The following KIZ variants were observed in gnomAD, a reference collection of about 807,000 sequenced individuals.
The protein encoded by KIZ is kizuna centrosomal protein.
KIZ carries 68 observed loss-of-function variants against 79.6 expected under a neutral mutation model. The observed-to-expected ratio is 0.85, with a 90% CI of 0.70 to 1.05. KIZ has a LOEUF of 1.05. Ranked by LOEUF, KIZ falls within the 50% of genes least tolerant of loss-of-function variation. The pLI, the probability that KIZ is intolerant of heterozygous loss-of-function variation, is 0.00. For synonymous variants in KIZ, 280 were observed against 281.8 expected (o/e 0.99, Z 0.06); for missense variants, 797 against 800.4 (o/e 1.00, Z 0.05).
At chr20:21,154,598 G>A (rs1415665366) in intron 4 of KIZ, among the ~76,000 whole-genome samples, 1 of 152,194 alleles carries the variant, frequency 6.6e-6, no homozygotes, top group East Asian at 1.9e-4. Flanking sequence ...GTAATAGGAA[G>A]GTGTGGAAAA....
intron 3 of KIZ, among the ~76,000 whole-genome samples, chr20:21,141,396 C>T (rs1032242225): frequency 4.6e-5 from 7 of 152,162 alleles, no homozygotes; most frequent in South Asian, 2.1e-4. Context: ...TTTGCACATT[C>T]GGGATATGTG....
chr20:21,179,092 T>G (rs1475936486), intron 6 of KIZ, among the ~76,000 whole-genome samples: 1 of 152,068 alleles, frequency 6.6e-6, no homozygotes, highest in Non-Finnish European at 1.5e-5. Context: ...ATAAAATAAG[T>G]TTGGAAGTAT....
intron 6 of KIZ, among the ~76,000 whole-genome samples, chr20:21,190,088 A>G (rs2035048521): frequency 6.6e-6 from 1 of 152,246 alleles, no homozygotes; most frequent in South Asian, 2.1e-4. Context: ...GGCCTCACAT[A>G]CAGCTGTTCC....
Position 21,238,352 on chromosome 20 carries a change from A to AGAGTGT in KIZ, c.1880+5523_1880+5524insAGTGTG, listed in dbSNP as rs145637920. 2.7e-3 allele frequency among the ~76,000 whole-genome samples: 396 copies of AGAGTGT among 149,234 alleles called. 4 individuals carry two copies. The highest frequency in any genetic ancestry group is 5.2e-3 in the East Asian group (26 of 5,026). The stretch of plus-strand genomic sequence containing the variant: ...AAGGGTGTGAGAGAGAGAGAGAGAG[A>AGAGTGT]GTGTGTGTGTGTGTGAGAGGGTGTG... On this transcript the variant is annotated intron_variant, in intron 11 of 12. Coordinates refer to ENST00000619189, the MANE Select transcript of KIZ (RefSeq NM_018474.6).
At chr20:21,182,849 T>G (rs2122934328) in intron 6 of KIZ, among the ~76,000 whole-genome samples, 1 of 152,116 alleles carries the variant, frequency 6.6e-6, no homozygotes, top group East Asian at 1.9e-4. Flanking sequence ...TAGACTTCTT[T>G]TCTCCTCTCC....
In KIZ at chr20:21,140,847, A is replaced by G. The variant is rs142393917; in HGVS notation, c.315+4295A>G. Among the ~76,000 whole-genome samples the G allele has an allele frequency of 8.6e-3, 1,305 of 151,910 alleles. 20 individuals carry two copies. The highest frequency in any genetic ancestry group is 0.03 in the African/African-American group (1,227 of 41,330). On this transcript the variant is annotated intron_variant, in intron 3 of 12. Transcript: ENST00000619189. ...TTTAAAAATAAAATTTAAAAATTAA[A>G]TTTAAAATTAGCCAGCTGTAGGAGT... is the stretch of plus-strand genomic sequence containing the variant.
At chr20:21,150,777 C>T in intron 4 of KIZ, 1 of 152,362 alleles carries the variant, frequency 6.6e-6, no homozygotes, top group Non-Finnish European at 1.5e-5. Flanking sequence ...TGGCAGGGCC[C>T]AGCCCCTTCT....
chr20:21,195,920 C>A (rs1240920876), intron 6 of KIZ: 1 of 152,482 alleles, frequency 6.6e-6, no homozygotes, highest in Non-Finnish European at 1.5e-5. Context: ...CTGAGTGCTC[C>A]CCAGGTGAGC....
At chr20:21,135,482 T>C (rs184615181) in intron 2 of KIZ, among the ~76,000 whole-genome samples, 368 of 152,358 alleles carry the variant, frequency 2.4e-3, no homozygotes, top group Non-Finnish European at 3.6e-3. Flanking sequence ...ATAAAGACTT[T>C]CTTGAAAATT....
At chr20:21,202,483 T>G (rs560701663) in intron 6 of KIZ, 3 of 152,184 alleles carry the variant, frequency 2.0e-5, no homozygotes. Flanking sequence ...TGAAAGGTCT[T>G]TCTATCAAAC....
At chr20:21,131,179 C>G (rs2031814677) in intron 1 of KIZ, among the ~76,000 whole-genome samples, 1 of 152,174 alleles carries the variant, frequency 6.6e-6, no homozygotes, top group African/African-American at 2.4e-5. Flanking sequence ...TCCCCCAGCC[C>G]CCTGGTTTTG....
chr20:21,243,238 A>G (rs1160088658), intron 11 of KIZ, among the ~76,000 whole-genome samples: 1 of 152,148 alleles, frequency 6.6e-6, no homozygotes, highest in Non-Finnish European at 1.5e-5. Context: ...TTAAAGAAAC[A>G]GGCACTAAAT....
intron 6 of KIZ, among the ~76,000 whole-genome samples, chr20:21,172,144 A>C (rs1555879145): frequency 6.6e-6 from 1 of 152,232 alleles, no homozygotes; most frequent in Non-Finnish European, 1.5e-5. Context: ...GTTTTGAGGT[A>C]GTTTTTTATT....
intron 9 of KIZ, among the ~76,000 whole-genome samples, chr20:21,227,014 A>T (rs577150041): frequency 4.7e-4 from 71 of 152,326 alleles, no homozygotes; most frequent in African/African-American, 1.6e-3. Context: ...GAGGGGGACC[A>T]GAATGGAAAG....
intron 4 of KIZ, among the ~76,000 whole-genome samples, chr20:21,156,744 C>A (rs1323865187): frequency 6.6e-6 from 1 of 152,082 alleles, no homozygotes; most frequent in Non-Finnish European, 1.5e-5. Context: ...CACTGAAGTG[C>A]TTAGTGGTAG....
chr20:21,165,830 A>ATT, intron 6 of KIZ, among the ~76,000 whole-genome samples: 1 of 152,218 alleles, frequency 6.6e-6, no homozygotes, highest in Non-Finnish European at 1.5e-5. Context: ...GAGACTTTAA[A>ATT]AGAGACTGGC....
At chr20:21,215,733 A>T in intron 9 of KIZ, 85 bp downstream of exon 9, 1 of 832,240 alleles carries the variant, frequency 1.2e-6, no homozygotes, top group South Asian at 1.6e-5. Context: ...TGGTTTGTGG[A>T]CCCCACTAAG....
intron 7 of KIZ, among the ~76,000 whole-genome samples, chr20:21,208,726 A>G (rs1474655824): frequency 3.9e-5 from 6 of 152,036 alleles, no homozygotes; most frequent in Admixed American, 6.6e-5. Context: ...TGGAATAAAC[A>G]GGTAATTTCT....
chr20:21,206,942 A>AT (rs1442802617), intron 7 of KIZ, among the ~76,000 whole-genome samples: 1 of 152,184 alleles, frequency 6.6e-6, no homozygotes, highest in African/African-American at 2.4e-5. Context: ...GAGCATGTCC[A>AT]TTGGCATATT....
Sources: gnomAD v4.1 joint callset for allele counts (sites outside exome capture counted in the v4.1 genomes callset) on GRCh38, gnomAD v4.1.1 for gene constraint, MANE v1.5 for transcripts, NCBI Gene and HGNC (gene_info 2026-07-23, HGNC 2026-07-21) for gene names.